Variants in STAT6 observed in about 807,000 individuals in gnomAD.
STAT6 encodes the protein signal transducer and activator of transcription 6, also known as STAT, interleukin4-induced.
Under a neutral mutation model 106.3 loss-of-function variants are expected in STAT6, and 45 were observed. That is an observed-to-expected ratio of 0.42 (90% CI 0.33 to 0.54). The LOEUF is 0.54. Ranked by LOEUF, STAT6 falls within the 20% of genes least tolerant of loss-of-function variation. The probability of loss-of-function intolerance (pLI) is 0.06; values close to 1 mark genes in which losing one functional copy is unlikely to be tolerated. For synonymous variants in STAT6, 413 were observed against 413.6 expected, an observed-to-expected ratio of 1.00 and a Z score of 0.02; for missense variants, 797 against 1,062.2, an observed-to-expected ratio of 0.75 and a Z score of 3.47.
chr12:57,104,379 A>G, intron 11 of STAT6, 85 bp downstream of exon 11: 1 of 1,527,646 alleles, frequency 6.5e-7, no homozygotes, highest in African/African-American at 1.4e-5. Context: ...GGCAGTCACA[A>G]GAGGTGAGGG....
chr12:57,105,190 G>A lies in STAT6; in HGVS notation c.962C>T (p.Ala321Val), dbSNP rs767707263. ...ACCCTGAGGCACACTCAGCTCCCGC[G>A]CCTGCTTCTCTGTCACCATGTCGGC... ...VRADMVTEKQ[A>V]RELSVPQGPG... The change falls in exon 9 of 22, where the codon GCG (alanine) becomes GTG (valine). Residue 321 changes from alanine to valine, a missense_variant. Physicochemically the swap from Ala to Val is moderately conservative, Grantham distance 64. Transcript: ENST00000300134. 2.5e-6 allele frequency: 4 copies of A among 1,613,672 alleles called. No homozygotes were observed. Among genetic ancestry groups the A allele is most frequent in the Non-Finnish European group, 2.5e-6 (3 of 1,179,898 alleles).
At position 57,098,997 on chromosome 12, in the gene STAT6, C is replaced by T. The variant is rs1286025177; in HGVS notation, c.1955+18G>A. ...ACTAAGCCCCTGACCTACCCACTGT[C>T]CATACCACCACACTCACCTTTCCAC... On this transcript the variant is annotated intron_variant, in intron 17 of 21. Coordinates refer to ENST00000300134, the MANE Select transcript of STAT6 (RefSeq NM_003153.5). 4.3e-6 allele frequency: 7 copies of T among 1,614,142 alleles called. No individual in the cohort carries two copies. Among genetic ancestry groups the T allele is most frequent in the Non-Finnish European group, 5.9e-6 (7 of 1,180,020 alleles).
chr12:57,106,129 T>C lies in STAT6; in HGVS notation c.680+62A>G, dbSNP rs1011175045. On this transcript the variant is annotated intron_variant, in intron 7 of 21. Coordinates refer to ENST00000300134, the MANE Select transcript of STAT6 (RefSeq NM_003153.5). ...GCTTCTTTCTCTCACCTGTAGGGCC[T>C]TCAGCAGGGTCAGCTGCCCACCCCC... 4.4e-6 allele frequency: 7 copies of C among 1,605,424 alleles called. No homozygotes were observed. The African/African-American group carries it at 8.0e-5, about 18-fold the overall frequency.
rs1391805722 is a variant in STAT6 at position 57,097,081 on chromosome 12, G to T, written c.2212C>A (p.Gln738Lys). Residue 738 changes from glutamine to lysine, a missense_variant, in exon 20 of 22, where the codon CAG becomes AAG. Gln to Lys is a moderately conservative substitution (Grantham distance 53). Coordinates refer to ENST00000300134, the MANE Select transcript of STAT6 (RefSeq NM_003153.5). ...SLGQMSLPFD[Q>K]PHPQGLLPCQ... ...TTTGTCACTCACTGGGGGTGAGGCT[G>T]GTCAAAGGGCAGGCTCATCTGGCCC... 6.5e-7 allele frequency: 1 copy of T among 1,539,774 alleles called. No homozygotes were observed. Among genetic ancestry groups the T allele is most frequent in the Non-Finnish European group, 8.8e-7 (1 of 1,142,856 alleles).
At chr12:57,102,716 G>GTTAA in intron 12 of STAT6, 113 bp downstream of exon 12, 1 of 1,005,596 alleles carries the variant, frequency 9.9e-7, no homozygotes. Flanking sequence ...ATGAGAAAGT[G>GTTAA]TTAAGGTCAC....
rs1223723828 is a variant in STAT6 at position 57,096,557 on chromosome 12, T to A, written c.*15A>T. 7 of 1,561,432 alleles carry A rather than the reference T, an allele frequency of 4.5e-6. No individual in the cohort carries two copies. The highest frequency in any genetic ancestry group is 6.0e-6 in the Non-Finnish European group (7 of 1,157,194). ...GTAGAAGAGCTGTCTCTTTGGGTTC[T>A]CCCTCCAGCTGGGATCACCAACTGG... On this transcript the variant is annotated 3_prime_UTR_variant, in exon 22 of 22. Coordinates refer to ENST00000300134, the MANE Select transcript of STAT6 (RefSeq NM_003153.5).
chr12:57,103,898 C>G (rs1476055073), intron 11 of STAT6: 1 of 153,196 alleles, frequency 6.5e-6, no homozygotes, highest in Non-Finnish European at 1.5e-5. Flanking sequence ...AAGAAGTTTC[C>G]TCAGGGGACT....
chr12:57,098,592 T>G lies in STAT6; in HGVS notation c.2072A>C (p.Gln691Pro). The change falls in exon 19 of 22, where the codon CAG becomes CCG. Residue 691 changes from glutamine to proline, a missense_variant. By Grantham distance (76) the Gln-to-Pro change is moderately conservative. Transcript: ENST00000300134. ...GGAGTGAGAGTGTGGTGGGTACACC[T>G]GGGGCCTGGGGAAAGAAAACAGACC... ...SMQLGPDMVP[Q>P]VYPPHSHSIP... is the part of the protein sequence containing the mutation. The G allele has an allele frequency of 2.5e-6, 4 of 1,613,232 alleles. No individual in the cohort carries two copies. The South Asian group carries it at 4.4e-5, about 18-fold the overall frequency.
chr12:57,099,786 A>C lies in STAT6; in HGVS notation c.1725T>G (p.His575Gln). 1 of 1,614,056 alleles carries C rather than the reference A, an allele frequency of 6.2e-7. No individual in the cohort carries two copies. Among genetic ancestry groups the C allele is most frequent in the South Asian group, 1.1e-5 (1 of 91,046 alleles). The change falls in exon 15 of 22, where the codon CAT becomes CAG. Residue 575 changes from histidine to glutamine, a missense_variant. By Grantham distance (24) the His-to-Gln change is conservative. Around this residue, in one of 4 missense-constraint regions of STAT6, gnomAD observed 222 missense variants for 354.6 expected, o/e 0.63. Transcript: ENST00000300134. The surrounding 1 kb of genome is among the most constrained non-coding windows in gnomAD (Gnocchi z 4.7). ...DSEIGGITIA[H>Q]VIRGQDGSPQ... ...CCTCACCATCCTGGCCCCGGATGACATGGGCAATGGTGATGCCCCCAATCT... is the reference window on the plus strand; with the variant it reads ...CCTCACCATCCTGGCCCCGGATGACCTGGGCAATGGTGATGCCCCCAATCT...
rs3024972 is a variant in STAT6, at chr12:57,099,758, T to G, written c.1744+9A>C. On this transcript the variant is annotated intron_variant, in intron 15 of 21. Transcript: ENST00000300134. This position sits in a 1 kb window ranked among gnomAD's most constrained non-coding sequence, Gnocchi z 4.7. ...CACAGAGACAGAGGACTGGCTGGGGTGGCCTCACCATCCTGGCCCCGGATG... is the reference window on the plus strand; with the variant it reads ...CACAGAGACAGAGGACTGGCTGGGGGGGCCTCACCATCCTGGCCCCGGATG... 0.021 allele frequency: 31,807 copies of G among 1,546,726 alleles called. 209 individuals are homozygous for G. Among genetic ancestry groups the G allele is most frequent in the Middle Eastern group, 0.061 (294 of 4,852 alleles).
intron 4 of STAT6, 113 bp downstream of exon 4, chr12:57,107,118 C>T: frequency 8.1e-7 from 1 of 1,233,340 alleles, no homozygotes; most frequent in Non-Finnish European, 1.2e-6. Context: ...TTGGTCATTC[C>T]TGGGCCTAGA....
At position 57,099,641 on chromosome 12, in the gene STAT6, G is replaced by A; in HGVS notation, c.1744+126C>T. On this transcript the variant is annotated intron_variant, in intron 15 of 21. Transcript: ENST00000300134. This position sits in a 1 kb window ranked among gnomAD's most constrained non-coding sequence, Gnocchi z 4.7. Reference sequence around the variant, plus strand: ...GTGAACATTTAGACCACAGAAGGAAGAAGAGAAGCTGGAAGAACTTCCTGA... The same window carrying A: ...GTGAACATTTAGACCACAGAAGGAAAAAGAGAAGCTGGAAGAACTTCCTGA... The A allele has an allele frequency of 6.9e-7, 1 of 1,452,204 alleles. No homozygotes were observed. The highest frequency in any genetic ancestry group is 1.3e-5 in the South Asian group (1 of 76,644). 90.0% of individuals were successfully genotyped at this position (1,452,204 alleles called of 1,614,324 possible). A position where few individuals can be genotyped will look rare whatever the true frequency, so the allele number is the denominator to read the frequency against.
At chr12:57,107,435 G>T in intron 3 of STAT6, 121 bp from the exon 4 acceptor site, 1 of 1,313,106 alleles carries the variant, frequency 7.6e-7, no homozygotes. Flanking sequence ...GACTCCAGAA[G>T]TTTTTGTGCA....
At chr12:57,097,262 C>T (rs960880539) in intron 19 of STAT6, 129 bp from the exon 20 acceptor site, 17 of 675,768 alleles carry the variant, frequency 2.5e-5, no homozygotes, top group Admixed American at 3.6e-5. Context: ...CCTGGGCAAG[C>T]TATTTCTATG....
In STAT6 at chr12:57,099,755, G is replaced by A. The variant is rs769057644; in HGVS notation, c.1744+12C>T. On this transcript the variant is annotated intron_variant, in intron 15 of 21. Transcript: ENST00000300134. The surrounding 1 kb of genome is among the most constrained non-coding windows in gnomAD (Gnocchi z 4.7). Reference sequence around the variant, plus strand: ...AGGCACAGAGACAGAGGACTGGCTGGGGTGGCCTCACCATCCTGGCCCCGG... The same window carrying A: ...AGGCACAGAGACAGAGGACTGGCTGAGGTGGCCTCACCATCCTGGCCCCGG... The A allele has an allele frequency of 1.2e-6, 2 of 1,612,494 alleles. No homozygotes were observed. Among genetic ancestry groups the A allele is most frequent in the South Asian group, 2.2e-5 (2 of 90,852 alleles).
At chr12:57,107,194 G>C in intron 4 of STAT6, 37 bp downstream of exon 4, 2 of 1,589,824 alleles carry the variant, frequency 1.3e-6, no homozygotes, top group Non-Finnish European at 1.7e-6. Flanking sequence ...AAGTCTCAGG[G>C]GATTGAGTTG....
chr12:57,101,137 G>A (rs142399858), intron 13 of STAT6, among the ~76,000 whole-genome samples: 2,718 of 151,786 alleles, frequency 0.018, 74 homozygotes, highest in African/African-American at 0.061. Flanking sequence ...TTGGCAGGCT[G>A]GAGTGCAGTG....
chr12:57,098,459 C>A, intron 19 of STAT6, 46 bp downstream of exon 19: 1 of 1,580,800 alleles, frequency 6.3e-7, no homozygotes. Flanking sequence ...TTCAAATGCC[C>A]ACCCCCTTAG....
At chr12:57,097,928 A>G (rs1477317952) in intron 19 of STAT6, among the ~76,000 whole-genome samples, 1 of 152,136 alleles carries the variant, frequency 6.6e-6, no homozygotes, top group Non-Finnish European at 1.5e-5. Flanking sequence ...AATTCCTATC[A>G]CACAAATATT....
Sources: gnomAD v4.1 joint callset for allele counts (sites outside exome capture counted in the v4.1 genomes callset) on GRCh38, gnomAD v4.1.1 for gene constraint, gnomAD v4.1.1 regional missense constraint, Gnocchi (gnomAD v3.1) non-coding constraint, MANE v1.5 for transcripts, NCBI Gene and HGNC (gene_info 2026-07-23, HGNC 2026-07-21) for gene names.